Variants in FAM200B observed in about 807,000 individuals in gnomAD.
The protein encoded by FAM200B is protein FAM200B.
Under a neutral mutation model 33.1 loss-of-function variants are expected in FAM200B, and 32 were observed. The observed-to-expected ratio is 0.97, with a 90% confidence interval of 0.73 to 1.30. The LOEUF is 1.30. FAM200B is among the 50% of genes most tolerant of loss of function. The probability of loss-of-function intolerance (pLI) is 0.00; values close to 1 mark genes in which losing one functional copy is unlikely to be tolerated. For missense variants in FAM200B, 741 were observed against 754.0 expected, an observed-to-expected ratio of 0.98 and a Z score of 0.20; for synonymous variants, 240 against 264.8, an observed-to-expected ratio of 0.91 and a Z score of 0.91.
At chr4:15,680,718 T>A (rs920716702), upstream of FAM200B, among the ~76,000 whole-genome samples, 4 of 152,098 alleles carry the variant, frequency 2.6e-5, no homozygotes, top group East Asian at 5.8e-4. Flanking sequence ...CAAAAATTTT[T>A]AAAAATTTGA....
the FAM200B span, among the ~76,000 whole-genome samples, chr4:15,650,921 C>T: frequency 6.6e-6 from 1 of 152,058 alleles, no homozygotes; most frequent in Non-Finnish European, 1.5e-5. Flanking sequence ...TGAGCCACTG[C>T]ACCCAACCTA....
chr4:15,689,807 A>G lies in FAM200B; in HGVS notation c.*856A>G, dbSNP rs1470659510. The G allele has an allele frequency of 1.2e-5, 2 of 166,796 alleles. No individual in the cohort carries two copies. The highest frequency in any genetic ancestry group is 4.8e-5 in the African/African-American group (2 of 41,410). The allele number at this position is 166,796 out of a possible 1,614,324, so 10.3% of individuals were successfully genotyped here. ...AATTAAATGTTACTTCCCTAAAAAA[A>G]CCTTTTCTAACCACCCTAGGGTAAA... On this transcript the variant is annotated 3_prime_UTR_variant, in exon 2 of 2. Coordinates refer to ENST00000422728, the MANE Select transcript of FAM200B (RefSeq NM_001145191.2).
upstream of FAM200B, among the ~76,000 whole-genome samples, chr4:15,678,493 C>T (rs1199898777): frequency 6.6e-6 from 1 of 152,066 alleles, no homozygotes; most frequent in Non-Finnish European, 1.5e-5. Flanking sequence ...TTCATGCAAA[C>T]GAAGAAAAGC....
chr4:15,659,655 T>C, the FAM200B span: 1 of 752,624 alleles, frequency 1.3e-6, no homozygotes, highest in Non-Finnish European at 1.6e-6. Flanking sequence ...TAGTGGTCCA[T>C]AAAGTTTCCT....
the FAM200B span, among the ~76,000 whole-genome samples, chr4:15,642,190 A>C: frequency 1.3e-5 from 2 of 151,510 alleles, no homozygotes; most frequent in African/African-American, 4.9e-5. Flanking sequence ...ACATTTCCCC[A>C]CTTCTATATC....
chr4:15,687,210 C>T lies in FAM200B; in HGVS notation c.233C>T (p.Pro78Leu). ...LKYGFIKCEK[P>L]FENDRPQCVI... is the part of the protein sequence containing the mutation. ...TATGGCTTTATCAAATGTGAAAAAC[C>T]CTTTGAAAATGACAGACCTCAGTGT... The change falls in exon 2 of 2, where the codon CCC becomes CTC. Residue 78 changes from proline (P) to leucine (L), a missense_variant. Pro to Leu is a moderately conservative substitution (Grantham distance 98). Coordinates refer to ENST00000422728, the MANE Select transcript of FAM200B (RefSeq NM_001145191.2). 6.5e-7 allele frequency: 1 copy of T among 1,537,534 alleles called. No homozygotes were observed. The highest frequency in any genetic ancestry group is 8.8e-7 in the Non-Finnish European group (1 of 1,140,554).
the FAM200B span, among the ~76,000 whole-genome samples, chr4:15,641,829 C>T: frequency 1.3e-5 from 2 of 151,994 alleles, no homozygotes; most frequent in Non-Finnish European, 2.9e-5. Flanking sequence ...GAGTTCAAGA[C>T]CAGCCAGCCC....
chr4:15,663,658 TTA>T, the FAM200B span, among the ~76,000 whole-genome samples: 1 of 152,190 alleles, frequency 6.6e-6, no homozygotes. Context: ...TTAAATGAGA[TTA>T]TATAGTCAAA....
chr4:15,686,970 C>T lies in FAM200B; in HGVS notation c.-8C>T. ...ATTTTAATCAAACTGGAACAAATTG[C>T]TATTAAAATGGATCATTTCTTTATT... On this transcript the variant is annotated 5_prime_UTR_variant, in exon 2 of 2. Transcript: ENST00000422728. The T allele has an allele frequency of 7.6e-7, 1 of 1,308,310 alleles. No homozygotes were observed. 81.0% of individuals were successfully genotyped at this position (1,308,310 alleles called of 1,614,324 possible). A position where few individuals can be genotyped will look rare whatever the true frequency, so the allele number is the denominator to read the frequency against.
rs1486650275 is a variant in FAM200B, at chr4:15,689,303, A to G, written c.*352A>G. ...GAGTAGTAAGAAGGAAGGTCAGGGA[A>G]GTACTGGGGAACCAAACCATGAAGG... On this transcript the variant is annotated 3_prime_UTR_variant, in exon 2 of 2. Coordinates refer to ENST00000422728, the MANE Select transcript of FAM200B (RefSeq NM_001145191.2). 5.7e-6 allele frequency: 1 copy of G among 176,118 alleles called. No homozygotes were observed. Among genetic ancestry groups the G allele is most frequent in the Non-Finnish European group, 1.3e-5 (1 of 74,452 alleles). The allele number at this position is 176,118 out of a possible 1,614,324, so 10.9% of individuals were successfully genotyped here.
the FAM200B span, among the ~76,000 whole-genome samples, chr4:15,659,249 C>T: frequency 6.6e-6 from 1 of 152,198 alleles, no homozygotes; most frequent in Admixed American, 6.5e-5. Flanking sequence ...TAAAATATTT[C>T]TTGCTGCATG....
At chr4:15,645,060 G>A in the FAM200B span, among the ~76,000 whole-genome samples, 15 of 151,992 alleles carry the variant, frequency 9.9e-5, no homozygotes, top group Non-Finnish European at 1.5e-4. Context: ...ATTTTAAAGA[G>A]GGAAACTTGA....
chr4:15,655,242 A>G, the FAM200B span: 2 of 1,440,300 alleles, frequency 1.4e-6, no homozygotes, highest in Admixed American at 2.2e-5. Context: ...TTCATCCGCC[A>G]GTGTGGGGCG....
At chr4:15,637,681 TACATTTCA>T in the FAM200B span, among the ~76,000 whole-genome samples, 1 of 152,202 alleles carries the variant, frequency 6.6e-6, no homozygotes, top group Non-Finnish European at 1.5e-5. Context: ...AAGCACAAGC[TACATTTCA>T]TAGTAAGGCA....
chr4:15,661,626 TG>T, the FAM200B span, among the ~76,000 whole-genome samples: 203 of 152,332 alleles, frequency 1.3e-3, no homozygotes, highest in Non-Finnish European at 2.4e-3. Flanking sequence ...TTAAGCAAGA[TG>T]GGGTCTTTTT....
the FAM200B span, among the ~76,000 whole-genome samples, chr4:15,643,452 C>A: frequency 6.6e-6 from 1 of 152,230 alleles, no homozygotes; most frequent in Non-Finnish European, 1.5e-5. Flanking sequence ...AGTCTCTCTA[C>A]ATCATTATCC....
At chr4:15,651,592 G>T in the FAM200B span, among the ~76,000 whole-genome samples, 1 of 151,964 alleles carries the variant, frequency 6.6e-6, no homozygotes, top group Non-Finnish European at 1.5e-5. Flanking sequence ...GGCGGAGGGG[G>T]GAAGGAAAAC....
chr4:15,688,021 T>C lies in FAM200B; in HGVS notation c.1044T>C (p.Asn348=), dbSNP rs1300045070. ...AGAATCTCATGGAGGTATTGAAAAA[T>C]GCAGTGAAAGTTGTTAATTTTATTA... The part of the protein sequence containing the change: ...IPQNLMEVLK[N]AVKVVNFIKG... Residue 348 remains asparagine, a synonymous_variant, in exon 2 of 2, where the codon AAT becomes AAC. Coordinates refer to ENST00000422728, the MANE Select transcript of FAM200B (RefSeq NM_001145191.2). 2.6e-6 allele frequency: 4 copies of C among 1,550,876 alleles called. No individual in the cohort carries two copies. The Admixed American group carries it at 7.8e-5, about 30-fold the overall frequency.
the FAM200B span, among the ~76,000 whole-genome samples, chr4:15,664,550 C>T: frequency 1.3e-5 from 1 of 75,522 alleles, no homozygotes; most frequent in African/African-American, 5.3e-5. Flanking sequence ...GGCCCTCATC[C>T]TTTTTTTTTT....
Sources: gnomAD v4.1 joint callset for allele counts (sites outside exome capture counted in the v4.1 genomes callset) on GRCh38, gnomAD v4.1.1 for gene constraint, MANE v1.5 for transcripts, NCBI Gene and HGNC (gene_info 2026-07-23, HGNC 2026-07-21) for gene names.